The following GSX2 variants were observed in gnomAD, a reference collection of about 807,000 sequenced individuals.
The protein encoded by GSX2 is GS homeobox 2.
A neutral mutation model predicts 19.2 loss-of-function variants in GSX2; 16 were observed. The ratio of observed to expected loss-of-function variants is 0.84; its 90% CI spans 0.57 to 1.27. GSX2 has a LOEUF of 1.27. GSX2 is among the 50% of genes most tolerant of loss of function. GSX2 has a pLI of 0.00. For missense variants in GSX2, 448 were observed against 428.4 expected (o/e 1.05, Z -0.40); for synonymous variants, 217 against 196.4 (o/e 1.10, Z -0.88).
In GSX2 at chr4:54,100,238, G is replaced by T; in HGVS notation, c.-107G>T. On this transcript the variant is annotated 5_prime_UTR_variant, in exon 1 of 2. The change creates a new upstream start codon in the 5' untranslated region. Transcript: ENST00000326902. ...GACGCCAACACCTCTGCGTCCCCAA[G>T]GGCTTGACTGCCCGTGTCTGCGCGG... 2.0e-6 allele frequency: 3 copies of T among 1,512,284 alleles called. No individual in the cohort carries two copies. The highest frequency in any genetic ancestry group is 2.7e-6 in the Non-Finnish European group (3 of 1,127,368). The allele number at this position is 1,512,284 out of a possible 1,614,324, so 93.7% of individuals were successfully genotyped here. A position where few individuals can be genotyped will look rare whatever the true frequency, so the allele number is the denominator to read the frequency against.
rs1224048303 is a variant in GSX2 at position 54,100,610 on chromosome 4, G to A, written c.266G>A (p.Gly89Glu). The A allele has an allele frequency of 4.5e-6, 7 of 1,557,014 alleles. No individual in the cohort carries two copies. The highest frequency in any genetic ancestry group is 2.0e-5 in the Admixed American group (1 of 51,084). Reference protein sequence around the residue: ...GSGGAGAGVTGAGGSGVAGAA... With the variant: ...GSGGAGAGVTEAGGSGVAGAA... ...GGGGGCGCAGGGGCCGGGGTTACCG[G>A]GGCCGGAGGCAGTGGGGTGGCAGGG... is the stretch of plus-strand genomic sequence containing the variant. Residue 89 changes from glycine to glutamate, a missense_variant, in exon 1 of 2, where the codon GGG becomes GAG. Physicochemically the swap from Gly to Glu is moderately conservative, Grantham distance 98. Transcript: ENST00000326902.
chr4:54,101,006 C>G lies in GSX2; in HGVS notation c.574+88C>G. 8.6e-7 allele frequency: 1 copy of G among 1,163,652 alleles called. No homozygotes were observed. The allele number at this position is 1,163,652 out of a possible 1,614,324, so 72.1% of individuals were successfully genotyped here. ...ACCTCCAGTGGAGGAAGTGGGAGCC[C>G]GGGGACAGGGTGAAGAGAGAGGACG... On this transcript the variant is annotated intron_variant, in intron 1 of 1. Coordinates refer to ENST00000326902, the MANE Select transcript of GSX2 (RefSeq NM_133267.3). The surrounding 1 kb of genome is among the most constrained non-coding windows in gnomAD (Gnocchi z 5.0).
rs1490617343 is a variant in GSX2, at chr4:54,102,444, G to T, written c.*522G>T. The T allele has an allele frequency of 6.6e-6, 1 of 151,884 alleles. No individual in the cohort carries two copies. Among genetic ancestry groups the T allele is most frequent in the Non-Finnish European group, 1.5e-5 (1 of 67,984 alleles). The allele number at this position is 151,884 out of a possible 1,614,324, so 9.4% of individuals were successfully genotyped here. A position where few individuals can be genotyped will look rare whatever the true frequency, so the allele number is the denominator to read the frequency against. The stretch of plus-strand genomic sequence containing the variant: ...TGGAAGTCCCTTTGTATGTGAATAG[G>T]TTTATATAAAATTTATATTTATATT... On this transcript the variant is annotated 3_prime_UTR_variant, in exon 2 of 2. Coordinates refer to ENST00000326902, the MANE Select transcript of GSX2 (RefSeq NM_133267.3).
chr4:54,101,936 C>A lies in GSX2; in HGVS notation c.*14C>A. On this transcript the variant is annotated 3_prime_UTR_variant, in exon 2 of 2. Transcript: ENST00000326902. The surrounding 1 kb of genome is among the most constrained non-coding windows in gnomAD (Gnocchi z 5.0). ...TCCCCCTTATGAGGGAGGGCCTCCT[C>A]CCTCACATCCCCCGCTCCTGGCAGA... 1 of 1,549,294 alleles carries A rather than the reference C, an allele frequency of 6.5e-7. No individual in the cohort carries two copies. The highest frequency in any genetic ancestry group is 8.7e-7 in the Non-Finnish European group (1 of 1,144,292).
Position 54,101,955 on chromosome 4 carries a change from T to C in GSX2, c.*33T>C. 6.6e-7 allele frequency: 1 copy of C among 1,508,548 alleles called. No homozygotes were observed. Among genetic ancestry groups the C allele is most frequent in the African/African-American group, 1.4e-5 (1 of 72,464 alleles). 93.4% of individuals were successfully genotyped at this position (1,508,548 alleles called of 1,614,324 possible). A position where few individuals can be genotyped will look rare whatever the true frequency, so the allele number is the denominator to read the frequency against. On this transcript the variant is annotated 3_prime_UTR_variant, in exon 2 of 2. Coordinates refer to ENST00000326902, the MANE Select transcript of GSX2 (RefSeq NM_133267.3). The surrounding 1 kb of genome is among the most constrained non-coding windows in gnomAD (Gnocchi z 5.0). ...CCTCCTCCCTCACATCCCCCGCTCC[T>C]GGCAGACCAGGCAACGCCAAGGCGT... is the stretch of plus-strand genomic sequence containing the variant.
Position 54,101,918 on chromosome 4 carries a change from T to G in GSX2, c.911T>G (p.Leu304Ter). The change falls in exon 2 of 2, where the codon TTA becomes TGA. Residue 304 changes from leucine to a stop codon, truncating the protein, a stop_gained. Transcript: ENST00000326902. LOFTEE classifies it high-confidence loss of function. The surrounding 1 kb of genome is among the most constrained non-coding windows in gnomAD (Gnocchi z 5.0). ...AACGATGACAAGGAGATTTCCCCCTTATGAGGGAGGGCCTCCTCCCTCACA... is the reference window on the plus strand; with the variant it reads ...AACGATGACAAGGAGATTTCCCCCTGATGAGGGAGGGCCTCCTCCCTCACA... ...SANDDKEISP[L>*] The G allele has an allele frequency of 6.3e-7, 1 of 1,591,962 alleles. No individual in the cohort carries two copies. Among genetic ancestry groups the G allele is most frequent in the South Asian group, 1.1e-5 (1 of 87,906 alleles).
At position 54,101,909 on chromosome 4, in the gene GSX2, T is replaced by C; in HGVS notation, c.902T>C (p.Ile301Thr). ...SPASANDDKE[I>T]SPL ...GCCTCAGCCAACGATGACAAGGAGA[T>C]TTCCCCCTTATGAGGGAGGGCCTCC... The change falls in exon 2 of 2, where the codon ATT (isoleucine) becomes ACT (threonine). Residue 301 changes from isoleucine (I) to threonine (T), a missense_variant. Ile to Thr is a moderately conservative substitution (Grantham distance 89). Transcript: ENST00000326902. This position sits in a 1 kb window ranked among gnomAD's most constrained non-coding sequence, Gnocchi z 5.0. 1 of 1,603,472 alleles carries C rather than the reference T, an allele frequency of 6.2e-7. No individual in the cohort carries two copies.
rs372265556 is a variant in GSX2, at chr4:54,102,038, C to G, written c.*116C>G. 351 of 900,714 alleles carry G rather than the reference C, an allele frequency of 3.9e-4. 2 individuals are homozygous for G. In the African/African-American group the frequency reaches 5.4e-3, roughly 14 times the overall value. 55.8% of individuals were successfully genotyped at this position (900,714 alleles called of 1,614,324 possible). On this transcript the variant is annotated 3_prime_UTR_variant, in exon 2 of 2. Transcript: ENST00000326902. ...GCAGTGGTCCCATCTGGAGAAGAAACGAACCTGGAAGTTCTGGAATGGACA... is the reference window on the plus strand; with the variant it reads ...GCAGTGGTCCCATCTGGAGAAGAAAGGAACCTGGAAGTTCTGGAATGGACA...
Position 54,100,866 on chromosome 4 carries a change from C to T in GSX2, c.522C>T (p.Thr174=), listed in dbSNP as rs1033932662. ...GHPQHHAPVC[T]ATTYNVADPR... ...CGCAGCACCACGCACCTGTCTGCAC[C>T]GCCACCACCTACAACGTGGCGGACC... Residue 174 remains threonine (T), a synonymous_variant, in exon 1 of 2, where the codon ACC becomes ACT. Transcript: ENST00000326902. 1 of 1,568,396 alleles carries T rather than the reference C, an allele frequency of 6.4e-7. No homozygotes were observed. Among genetic ancestry groups the T allele is most frequent in the East Asian group, 2.4e-5 (1 of 41,764 alleles).
In GSX2 at chr4:54,100,630, G is replaced by C. The variant is rs1718151651; in HGVS notation, c.286G>C (p.Ala96Pro). Residue 96 changes from alanine (A) to proline (P), a missense_variant, in exon 1 of 2, where the codon GCA becomes CCA. Coordinates refer to ENST00000326902, the MANE Select transcript of GSX2 (RefSeq NM_133267.3). ...GVTGAGGSGV[A>P]GAAGALPLLK... ...TACCGGGGCCGGAGGCAGTGGGGTG[G>C]CAGGGGCCGCAGGGGCACTGCCTCT... 1 of 1,547,690 alleles carries C rather than the reference G, an allele frequency of 6.5e-7. No homozygotes were observed. The highest frequency in any genetic ancestry group is 2.4e-5 in the East Asian group (1 of 40,910).
chr4:54,100,454 TGCC>T lies in GSX2; in HGVS notation c.114_116del (p.Pro40del). The T allele has an allele frequency of 6.2e-7, 1 of 1,613,976 alleles. No homozygotes were observed. Among genetic ancestry groups the T allele is most frequent in the Non-Finnish European group, 8.5e-7 (1 of 1,179,966 alleles). On this transcript the variant is annotated inframe_deletion, in exon 1 of 2. Coordinates refer to ENST00000326902, the MANE Select transcript of GSX2 (RefSeq NM_133267.3). ...CCGGATTTCTTCATCCCGCTTGGCA[TGCC>T]GCCCCCATTGGTGATGTCCGTGTCC...
In GSX2 at chr4:54,100,306, G is replaced by A; in HGVS notation, c.-39G>A. ...AGAACACTAGAGGAGAGGGGTCGCC[G>A]CGAACTGCCGGGGCTTCCAGCCACC... On this transcript the variant is annotated 5_prime_UTR_variant, in exon 1 of 2. Coordinates refer to ENST00000326902, the MANE Select transcript of GSX2 (RefSeq NM_133267.3). 6.2e-7 allele frequency: 1 copy of A among 1,606,574 alleles called. No homozygotes were observed. Among genetic ancestry groups the A allele is most frequent in the African/African-American group, 1.3e-5 (1 of 74,962 alleles).
chr4:54,101,962 C>G lies in GSX2; in HGVS notation c.*40C>G, dbSNP rs913039111. The G allele has an allele frequency of 6.8e-7, 1 of 1,475,726 alleles. No homozygotes were observed. Among genetic ancestry groups the G allele is most frequent in the East Asian group, 2.4e-5 (1 of 41,242 alleles). 91.4% of individuals were successfully genotyped at this position (1,475,726 alleles called of 1,614,324 possible). ...CCTCACATCCCCCGCTCCTGGCAGA[C>G]CAGGCAACGCCAAGGCGTGGGGCAC... On this transcript the variant is annotated 3_prime_UTR_variant, in exon 2 of 2. Coordinates refer to ENST00000326902, the MANE Select transcript of GSX2 (RefSeq NM_133267.3). This position sits in a 1 kb window ranked among gnomAD's most constrained non-coding sequence, Gnocchi z 5.0.
chr4:54,100,295 G>C lies in GSX2; in HGVS notation c.-50G>C. ...GGGCAGAGCTTAGAACACTAGAGGA[G>C]AGGGGTCGCCGCGAACTGCCGGGGC... is the stretch of plus-strand genomic sequence containing the variant. On this transcript the variant is annotated 5_prime_UTR_variant, in exon 1 of 2. Coordinates refer to ENST00000326902, the MANE Select transcript of GSX2 (RefSeq NM_133267.3). 1 of 1,602,160 alleles carries C rather than the reference G, an allele frequency of 6.2e-7. No homozygotes were observed. Among genetic ancestry groups the C allele is most frequent in the South Asian group, 1.1e-5 (1 of 89,738 alleles).
At position 54,100,431 on chromosome 4, in the gene GSX2, G is replaced by A. The variant is rs1232895722; in HGVS notation, c.87G>A (p.Pro29=). Reference sequence around the variant, plus strand: ...CGCTGCCTGAACCGCACCCCGGGCCGGATTTCTTCATCCCGCTTGGCATGC... The same window carrying A: ...CGCTGCCTGAACCGCACCCCGGGCCAGATTTCTTCATCCCGCTTGGCATGC... ...APSLPEPHPG[P]DFFIPLGMPP... The change falls in exon 1 of 2, where the codon CCG becomes CCA. Residue 29 remains proline, a synonymous_variant. Coordinates refer to ENST00000326902, the MANE Select transcript of GSX2 (RefSeq NM_133267.3). The A allele has an allele frequency of 1.9e-6, 3 of 1,614,012 alleles. No individual in the cohort carries two copies. Among genetic ancestry groups the A allele is most frequent in the Admixed American group, 1.7e-5 (1 of 60,026 alleles).
At position 54,100,327 on chromosome 4, in the gene GSX2, C is replaced by A. The variant is rs1442272628; in HGVS notation, c.-18C>A. 3.7e-6 allele frequency: 6 copies of A among 1,611,520 alleles called. No individual in the cohort carries two copies. Among genetic ancestry groups the A allele is most frequent in the African/African-American group, 1.3e-5 (1 of 74,918 alleles). On this transcript the variant is annotated 5_prime_UTR_variant, in exon 1 of 2. Transcript: ENST00000326902. ...CGCCGCGAACTGCCGGGGCTTCCAG[C>A]CACCCACCCCTCTCGACATGTCGCG...
rs975046970 is a variant in GSX2, at chr4:54,101,498, C to T, written c.575-84C>T. 1 of 868,576 alleles carries T rather than the reference C, an allele frequency of 1.2e-6. No individual in the cohort carries two copies. Among genetic ancestry groups the T allele is most frequent in the Non-Finnish European group, 1.8e-6 (1 of 549,972 alleles). 53.8% of individuals were successfully genotyped at this position (868,576 alleles called of 1,614,324 possible). A position where few individuals can be genotyped will look rare whatever the true frequency, so the allele number is the denominator to read the frequency against. On this transcript the variant is annotated intron_variant, in intron 1 of 1. Coordinates refer to ENST00000326902, the MANE Select transcript of GSX2 (RefSeq NM_133267.3). The surrounding 1 kb of genome is among the most constrained non-coding windows in gnomAD (Gnocchi z 5.0). ...TCGGCTGGGCTTCCCCGGGTGGGTC[C>T]CTGAAATGCGTCCTGGTTAGCACAT...
rs1390992114 is a variant in GSX2 at position 54,100,675 on chromosome 4, T to C, written c.331T>C (p.Ser111Pro). The C allele has an allele frequency of 3.2e-6, 5 of 1,548,518 alleles. No individual in the cohort carries two copies. The highest frequency in any genetic ancestry group is 2.5e-5 in the East Asian group (1 of 40,798). The change falls in exon 1 of 2, where the codon TCG becomes CCG. Residue 111 changes from serine to proline, a missense_variant. Coordinates refer to ENST00000326902, the MANE Select transcript of GSX2 (RefSeq NM_133267.3). Reference sequence around the variant, plus strand: ...GCCTCTGCTTAAGGGCCAGTTCTCTTCGGCTCCTGGGGACGCGCAGTTTTG... The same window carrying C: ...GCCTCTGCTTAAGGGCCAGTTCTCTCCGGCTCCTGGGGACGCGCAGTTTTG... ...ALPLLKGQFS[S>P]APGDAQFCPR... is the part of the protein sequence containing the mutation.
chr4:54,100,336 C>A lies in GSX2; in HGVS notation c.-9C>A. Reference sequence around the variant, plus strand: ...CTGCCGGGGCTTCCAGCCACCCACCCCTCTCGACATGTCGCGCTCCTTCTA... The same window carrying A: ...CTGCCGGGGCTTCCAGCCACCCACCACTCTCGACATGTCGCGCTCCTTCTA... On this transcript the variant is annotated 5_prime_UTR_variant, in exon 1 of 2. Transcript: ENST00000326902. The A allele has an allele frequency of 6.2e-7, 1 of 1,612,674 alleles. No homozygotes were observed. Among genetic ancestry groups the A allele is most frequent in the Non-Finnish European group, 8.5e-7 (1 of 1,179,898 alleles).
Sources: allele counts gnomAD v4.1 joint callset, GRCh38; gene constraint gnomAD v4.1.1; non-coding constraint Gnocchi (gnomAD v3.1); transcripts MANE v1.5; gene names NCBI Gene and HGNC (gene_info 2026-07-23, HGNC 2026-07-21).